DYNC1LI1: variants seen among roughly 807,000 people sequenced by gnomAD.
DYNC1LI1 encodes the protein cytoplasmic dynein 1 light intermediate chain 1.
In DYNC1LI1, 19 loss-of-function variants were observed where a neutral mutation model predicts 63.8. The ratio of observed to expected loss-of-function variants is 0.30; its 90% confidence interval spans 0.21 to 0.44. The LOEUF is 0.44. Ranked by LOEUF, DYNC1LI1 falls within the 20% of genes least tolerant of loss-of-function variation. The pLI is 1.00. For synonymous variants in DYNC1LI1, 225 were observed against 232.3 expected (o/e 0.97, Z 0.28); for missense variants, 565 against 630.2 (o/e 0.90, Z 1.11).
intron 2 of DYNC1LI1, chr3:32,566,760 C>CA (rs906182690): frequency 9.5e-6 from 4 of 422,694 alleles, no homozygotes; most frequent in Non-Finnish European, 1.9e-5. Flanking sequence ...AACAAACAAA[C>CA]AAAAAAACAA....
intron 2 of DYNC1LI1, among the ~76,000 whole-genome samples, chr3:32,554,360 T>C (rs1347252451): frequency 1.3e-5 from 2 of 152,250 alleles, no homozygotes; most frequent in African/African-American, 4.8e-5. Context: ...TATGGTCAAA[T>C]AAATGTAGTA....
chr3:32,532,789 A>G (rs1211574939), intron 8 of DYNC1LI1, 197 bp downstream of exon 8: 1 of 915,080 alleles, frequency 1.1e-6, no homozygotes, highest in Non-Finnish European at 1.5e-6. Flanking sequence ...AGATTTAATT[A>G]GCTGAATAGC....
intron 6 of DYNC1LI1, among the ~76,000 whole-genome samples, chr3:32,535,478 A>G (rs1697761613): frequency 6.6e-6 from 1 of 152,202 alleles, no homozygotes; most frequent in South Asian, 2.1e-4. Context: ...CTTAACTGGG[A>G]TACTCATATT....
intron 8 of DYNC1LI1, chr3:32,531,524 C>T (rs1244950357): frequency 6.6e-6 from 1 of 152,196 alleles, no homozygotes; most frequent in Non-Finnish European, 1.5e-5. Flanking sequence ...TATCACTCTC[C>T]TTCCCATTTA....
chr3:32,563,136 T>C (rs1285494661), intron 2 of DYNC1LI1, among the ~76,000 whole-genome samples: 1 of 152,120 alleles, frequency 6.6e-6, no homozygotes, highest in Middle Eastern at 3.2e-3. Context: ...CCCCAGATGA[T>C]TCAGCAAAGC....
intron 2 of DYNC1LI1, among the ~76,000 whole-genome samples, chr3:32,551,677 T>A (rs1202349733): frequency 6.6e-6 from 1 of 152,098 alleles, no homozygotes. Flanking sequence ...GAGACAACTA[T>A]ACTCAAAGGC....
At chr3:32,555,485 G>T (rs1474413690) in intron 2 of DYNC1LI1, among the ~76,000 whole-genome samples, 1 of 152,132 alleles carries the variant, frequency 6.6e-6, no homozygotes, top group African/African-American at 2.4e-5. Context: ...CTTGTTCTAG[G>T]GTTATACACA....
intron 2 of DYNC1LI1, among the ~76,000 whole-genome samples, chr3:32,553,403 T>C (rs1698070331): frequency 6.6e-6 from 1 of 152,126 alleles, no homozygotes; most frequent in Admixed American, 6.5e-5. Flanking sequence ...CAGCCAAAAA[T>C]TGATCCAAGT....
At chr3:32,560,216 A>C (rs1221144010) in intron 2 of DYNC1LI1, among the ~76,000 whole-genome samples, 1 of 151,886 alleles carries the variant, frequency 6.6e-6, no homozygotes, top group Non-Finnish European at 1.5e-5. Context: ...AGGCGGATCA[A>C]CTGAGGTCAG....
intron 2 of DYNC1LI1, among the ~76,000 whole-genome samples, chr3:32,554,728 G>T (rs1440538434): frequency 6.6e-6 from 1 of 152,160 alleles, no homozygotes; most frequent in Non-Finnish European, 1.5e-5. Context: ...TTGGCAGGAA[G>T]AAGGTTCTTA....
intron 8 of DYNC1LI1, 146 bp downstream of exon 8, chr3:32,532,840 A>C: frequency 1.5e-6 from 2 of 1,316,990 alleles, no homozygotes; most frequent in Non-Finnish European, 2.0e-6. Context: ...TGTAAACTGT[A>C]CATTAGAAAC....
chr3:32,527,123 C>T (rs1697629666), intron 12 of DYNC1LI1, among the ~76,000 whole-genome samples: 1 of 152,136 alleles, frequency 6.6e-6, no homozygotes, highest in African/African-American at 2.4e-5. Flanking sequence ...GGGAGGATCA[C>T]TTCAAGTCAG....
Position 32,529,564 on chromosome 3 carries a change from T to G in DYNC1LI1, c.1282A>C (p.Lys428Gln). The G allele has an allele frequency of 6.2e-7, 1 of 1,608,046 alleles. No individual in the cohort carries two copies. The highest frequency in any genetic ancestry group is 8.5e-7 in the Non-Finnish European group (1 of 1,177,000). The change falls in exon 11 of 13, where the codon AAA becomes CAA. Residue 428 changes from lysine (K) to glutamine (Q), a missense_variant. By Grantham distance (53) the Lys-to-Gln change is moderately conservative. Coordinates refer to ENST00000273130, the MANE Select transcript of DYNC1LI1 (RefSeq NM_016141.4). The part of the protein sequence containing the change: ...ASVSPIPAGS[K>Q]KIDPNMKAGA... The stretch of plus-strand genomic sequence containing the variant: ...CCTTTCATGTTTGGATCAATTTTTT[T>G]TGACCCAGCAGGAATGGGTGACACG...
chr3:32,546,636 G>A (rs1418328893), intron 2 of DYNC1LI1, among the ~76,000 whole-genome samples: 2 of 152,066 alleles, frequency 1.3e-5, no homozygotes, highest in African/African-American at 4.8e-5. Context: ...TCAATCTGAA[G>A]AACCTCAGGT....
chr3:32,539,207 C>G lies in DYNC1LI1; in HGVS notation c.738+1830G>C, dbSNP rs184869119. ...CAGAAAAGGTGTATGTAACAATTAA[C>G]TATACCAAAACCACCATTTGAAAGC... is the stretch of plus-strand genomic sequence containing the variant. On this transcript the variant is annotated intron_variant, in intron 5 of 12. Transcript: ENST00000273130. Among the ~76,000 whole-genome samples the G allele has an allele frequency of 4.2e-3, 636 of 152,288 alleles. 5 individuals are homozygous for G. The highest frequency in any genetic ancestry group is 0.015 in the African/African-American group (613 of 41,558).
rs372170324 is a variant in DYNC1LI1 at position 32,570,797 on chromosome 3, G to A, written c.-27C>T. ...TTGGTCGGGAATCACACCACTCCCG[G>A]CAAGACTAAATGTGCGAGGCGGCTG... On this transcript the variant is annotated 5_prime_UTR_variant, in exon 1 of 13. Transcript: ENST00000273130. 6.3e-6 allele frequency: 10 copies of A among 1,594,948 alleles called. No homozygotes were observed. Among genetic ancestry groups the A allele is most frequent in the East Asian group, 2.3e-5 (1 of 43,190 alleles).
At position 32,526,602 on chromosome 3, in the gene DYNC1LI1, A is replaced by C. The variant is rs1697621449; in HGVS notation, c.*197T>G. 4.5e-6 allele frequency: 2 copies of C among 448,084 alleles called. No homozygotes were observed. Among genetic ancestry groups the C allele is most frequent in the Middle Eastern group, 3.9e-4 (1 of 2,568 alleles). The allele number at this position is 448,084 out of a possible 1,614,324, so 27.8% of individuals were successfully genotyped here. ...ATGGCAATGCAAACAGCAATCCTAC[A>C]TAATGTAGAATAATTTTTCTTCTGT... On this transcript the variant is annotated 3_prime_UTR_variant, in exon 13 of 13. Coordinates refer to ENST00000273130, the MANE Select transcript of DYNC1LI1 (RefSeq NM_016141.4).
rs1253024225 is a variant in DYNC1LI1 at position 32,526,563 on chromosome 3, CT to C, written c.*235del. ...TTGAGATTTTCAAAATCAAAAATTA[CT>C]TTCTTATGCAAAATGGCAATGCAAA... On this transcript the variant is annotated 3_prime_UTR_variant, in exon 13 of 13. Transcript: ENST00000273130. 1 of 310,600 alleles carries C rather than the reference CT, an allele frequency of 3.2e-6. No homozygotes were observed. The highest frequency in any genetic ancestry group is 2.1e-5 in the African/African-American group (1 of 46,976). The allele number at this position is 310,600 out of a possible 1,614,324, so 19.2% of individuals were successfully genotyped here. A position where few individuals can be genotyped will look rare whatever the true frequency, so the allele number is the denominator to read the frequency against.
chr3:32,569,632 A>C (rs1391956241), intron 2 of DYNC1LI1, among the ~76,000 whole-genome samples: 1 of 152,174 alleles, frequency 6.6e-6, no homozygotes, highest in Non-Finnish European at 1.5e-5. Flanking sequence ...TCTGCGAACT[A>C]TTCTCCCTCA....
Sources: allele counts gnomAD v4.1 joint callset (sites outside exome capture counted in the v4.1 genomes callset), GRCh38; gene constraint gnomAD v4.1.1; transcripts MANE v1.5; gene names NCBI Gene and HGNC (gene_info 2026-07-23, HGNC 2026-07-21).